The following B3GALT1 variants were observed in gnomAD, a reference collection of about 807,000 sequenced individuals.
B3GALT1 encodes UDP-Gal:betaGlcNAc beta 1,3-galactosyltransferase, polypeptide 1.
B3GALT1 carries 10 observed loss-of-function variants against 23.2 expected under a neutral mutation model. The observed-to-expected ratio is 0.43, with a 90% CI of 0.27 to 0.73. The LOEUF (loss-of-function observed/expected upper bound fraction) is 0.73, where lower values mean the gene tolerates loss of function less well. B3GALT1 is among the 30% of genes least tolerant of loss of function. B3GALT1 has a pLI of 0.21. For missense variants in B3GALT1, 299 were observed against 405.4 expected (o/e 0.74, Z 2.25); for synonymous variants, 156 against 141.5 (o/e 1.10, Z -0.73).
chr2:167,475,579 A>G (rs981069081), intron 1 of B3GALT1, among the ~76,000 whole-genome samples: 5 of 152,132 alleles, frequency 3.3e-5, no homozygotes, highest in Admixed American at 6.6e-5. Flanking sequence ...TCAACTACAA[A>G]AGATACAGCC....
chr2:167,468,513 A>T (rs142000303), intron 1 of B3GALT1, among the ~76,000 whole-genome samples: 1 of 152,322 alleles, frequency 6.6e-6, no homozygotes, highest in East Asian at 1.9e-4. Context: ...ATTTAAAAAC[A>T]CTCAAACTTG....
intron 3 of B3GALT1, among the ~76,000 whole-genome samples, chr2:167,813,943 C>A (rs1387874321): frequency 1.3e-5 from 2 of 151,838 alleles, no homozygotes; most frequent in Non-Finnish European, 1.5e-5. Context: ...TGGTTGAATT[C>A]TTGGCTAATG....
intron 1 of B3GALT1, among the ~76,000 whole-genome samples, chr2:167,329,921 A>G (rs1207606287): frequency 6.6e-6 from 1 of 151,904 alleles, no homozygotes; most frequent in Non-Finnish European, 1.5e-5. Flanking sequence ...TAATTAATAG[A>G]TGATACTTTT....
chr2:167,855,427 C>A (rs534706984), intron 4 of B3GALT1, among the ~76,000 whole-genome samples: 2 of 150,248 alleles, frequency 1.3e-5, no homozygotes, highest in South Asian at 4.3e-4. Flanking sequence ...GGGAACCATG[C>A]CTACTTCTTA....
chr2:167,554,124 T>C (rs1482530462), intron 2 of B3GALT1, among the ~76,000 whole-genome samples: 1 of 152,190 alleles, frequency 6.6e-6, no homozygotes, highest in African/African-American at 2.4e-5. Flanking sequence ...ACCTGCAAAC[T>C]GTATGACTTT....
At chr2:167,550,365 T>TA (rs1386823846) in intron 2 of B3GALT1, among the ~76,000 whole-genome samples, 2 of 152,230 alleles carry the variant, frequency 1.3e-5, no homozygotes, top group Admixed American at 6.5e-5. Flanking sequence ...TCCAGAAACT[T>TA]ACTTTTACTT....
At chr2:167,349,195 A>G (rs1403806394) in intron 1 of B3GALT1, among the ~76,000 whole-genome samples, 1 of 152,160 alleles carries the variant, frequency 6.6e-6, no homozygotes, top group Admixed American at 6.5e-5. Flanking sequence ...AACTGTTCCT[A>G]AGTTTTAAAT....
intron 3 of B3GALT1, among the ~76,000 whole-genome samples, chr2:167,712,311 AGCCATACCT>A (rs1687074473): frequency 6.6e-6 from 1 of 152,140 alleles, no homozygotes; most frequent in African/African-American, 2.4e-5. Flanking sequence ...CATGGTAGGT[AGCCATACCT>A]GCCAGATGGT....
intron 1 of B3GALT1, among the ~76,000 whole-genome samples, chr2:167,326,079 C>G (rs1696887849): frequency 1.2e-5 from 1 of 82,632 alleles, no homozygotes. Context: ...ACATGCTCAC[C>G]AATATCTGTT....
chr2:167,381,944 C>T (rs1697852445), intron 1 of B3GALT1, among the ~76,000 whole-genome samples: 2 of 152,136 alleles, frequency 1.3e-5, no homozygotes, highest in Admixed American at 6.5e-5. Flanking sequence ...ACATTTGGAT[C>T]GGATATATTG....
chr2:167,850,412 G>T (rs1406991704), intron 4 of B3GALT1, among the ~76,000 whole-genome samples: 1 of 152,196 alleles, frequency 6.6e-6, no homozygotes, highest in East Asian at 1.9e-4. Flanking sequence ...TGGCATGGAT[G>T]CTGTGATCAG....
chr2:167,311,808 G>A (rs1327485978), intron 1 of B3GALT1, among the ~76,000 whole-genome samples: 1 of 151,910 alleles, frequency 6.6e-6, no homozygotes, highest in Non-Finnish European at 1.5e-5. Flanking sequence ...ATTATAGCAG[G>A]AAGATATAGC....
At chr2:167,805,362 T>A (rs1274609012) in intron 3 of B3GALT1, among the ~76,000 whole-genome samples, 1 of 152,228 alleles carries the variant, frequency 6.6e-6, no homozygotes, top group Admixed American at 6.5e-5. Context: ...TTGGCTTTTG[T>A]TGCCATTGCT....
In B3GALT1 at chr2:167,299,635, G is replaced by A. The variant is rs150614799; in HGVS notation, c.-511+6301G>A. ...AGCAACAATTAACAAATAATAGATT[G>A]CATTGATAAAATTATTTTAGTTATT... On this transcript the variant is annotated intron_variant, in intron 1 of 4. Transcript: ENST00000392690. Among the ~76,000 whole-genome samples the A allele has an allele frequency of 5.6e-3, 853 of 152,082 alleles. 4 individuals carry two copies. The highest frequency in any genetic ancestry group is 0.031 in the Middle Eastern group (9 of 294).
intron 1 of B3GALT1, among the ~76,000 whole-genome samples, chr2:167,331,773 G>A (rs1266873703): frequency 6.6e-6 from 1 of 152,178 alleles, no homozygotes. Context: ...CAGGCCACTG[G>A]TAGGGTGCTC....
intron 2 of B3GALT1, among the ~76,000 whole-genome samples, chr2:167,642,781 G>A (rs1685677526): frequency 6.6e-6 from 1 of 152,098 alleles, no homozygotes; most frequent in Admixed American, 6.5e-5. Context: ...CTCTTCAGGA[G>A]TGTAAACTTT....
At chr2:167,636,292 A>G (rs559752071) in intron 2 of B3GALT1, among the ~76,000 whole-genome samples, 2 of 151,868 alleles carry the variant, frequency 1.3e-5, no homozygotes, top group African/African-American at 4.8e-5. Context: ...GGATTAGTTT[A>G]CCCCCACCTA....
intron 1 of B3GALT1, among the ~76,000 whole-genome samples, chr2:167,404,302 C>G (rs6754396): frequency 0.1 from 15,618 of 151,948 alleles, 979 homozygotes; most frequent in African/African-American, 0.18. Context: ...CCAAACACCA[C>G]CCCCCCATTA....
chr2:167,732,451 G>A (rs1466845071), intron 3 of B3GALT1, among the ~76,000 whole-genome samples: 1 of 152,174 alleles, frequency 6.6e-6, no homozygotes, highest in Admixed American at 6.5e-5. Flanking sequence ...ATTAAGTCCT[G>A]GTGAGCCTTT....
Sources: gnomAD v4.1 joint callset for allele counts (sites outside exome capture counted in the v4.1 genomes callset) on GRCh38, gnomAD v4.1.1 for gene constraint, MANE v1.5 for transcripts, NCBI Gene and HGNC (gene_info 2026-07-23, HGNC 2026-07-21) for gene names.